The following POLN variants were observed in gnomAD, a reference collection of about 807,000 sequenced individuals.
POLN encodes the protein DNA polymerase N.
Under a neutral mutation model 113.5 loss-of-function variants are expected in POLN, and 108 were observed. The observed-to-expected ratio is 0.95, with a 90% confidence interval of 0.81 to 1.12. The LOEUF (loss-of-function observed/expected upper bound fraction) is 1.12, where lower values mean the gene tolerates loss of function less well. Among genes scored for constraint, POLN ranks in the 50% most tolerant of loss-of-function variants. The pLI, the probability that POLN is intolerant of heterozygous loss-of-function variation, is 0.00. For synonymous variants in POLN, 386 were observed against 391.5 expected (o/e 0.99, Z 0.17); for missense variants, 1,097 against 1,077.1 (o/e 1.02, Z -0.26).
At chr4:2,172,816 C>G (rs963276456) in intron 11 of POLN, among the ~76,000 whole-genome samples, 1 of 152,166 alleles carries the variant, frequency 6.6e-6, no homozygotes, top group Admixed American at 6.5e-5. Flanking sequence ...CACCTCACAG[C>G]CCACAGAAAC....
At chr4:2,233,561 T>C (rs1734656766) in intron 2 of POLN, among the ~76,000 whole-genome samples, 1 of 152,122 alleles carries the variant, frequency 6.6e-6, no homozygotes, top group African/African-American at 2.4e-5. Context: ...ATACACAGTG[T>C]GGAAAATTAC....
At position 2,181,103 on chromosome 4, in the gene POLN, T is replaced by TA. The variant is rs34645662; in HGVS notation, c.1022-1639dup. On this transcript the variant is annotated intron_variant, in intron 7 of 25. Coordinates refer to ENST00000511885, the MANE Select transcript of POLN (RefSeq NM_181808.4). ...AAACATAATAGCTAACTACTTAAAG[T>TA]AAAAAAAAAAAGAATTAAGGAAAGG... Among the ~76,000 whole-genome samples the TA allele has an allele frequency of 3.5e-4, 52 of 147,108 alleles. No homozygotes were observed. In the East Asian group the frequency reaches 4.5e-3, roughly 13 times the overall value.
At chr4:2,231,958 G>C in intron 2 of POLN, 1 of 1,427,154 alleles carries the variant, frequency 7.0e-7, no homozygotes, top group Non-Finnish European at 9.7e-7. Flanking sequence ...CTTAATCTTT[G>C]ATTGAGTTTC....
chr4:2,112,122 A>G (rs1363071176), intron 19 of POLN, among the ~76,000 whole-genome samples: 1 of 152,238 alleles, frequency 6.6e-6, no homozygotes, highest in African/African-American at 2.4e-5. Flanking sequence ...CCTGACAAAA[A>G]CAAGCAATGG....
chr4:2,102,866 C>A lies in POLN; in HGVS notation c.1983-6933G>T, dbSNP rs1408403003. Among the ~76,000 whole-genome samples the A allele has an allele frequency of 2.0e-5, 3 of 152,324 alleles. No individual in the cohort carries two copies. The East Asian group carries it at 5.8e-4, about 29-fold the overall frequency. ...CTTCACTACTACACGCACTCAGAAA[C>A]AAAGCCAAAGGGTCCTACCCAACCA... is the stretch of plus-strand genomic sequence containing the variant. On this transcript the variant is annotated intron_variant, in intron 19 of 25. Transcript: ENST00000511885.
At chr4:2,155,389 T>G (rs896706424) in intron 16 of POLN, among the ~76,000 whole-genome samples, 3 of 152,220 alleles carry the variant, frequency 2.0e-5, no homozygotes, top group African/African-American at 4.8e-5. Context: ...GAGAGCTGAC[T>G]GACCAAGAGT....
At chr4:2,239,904 T>C (rs1734908652) in intron 2 of POLN, 1 of 688,978 alleles carries the variant, frequency 1.5e-6, no homozygotes. Flanking sequence ...AGATCACAAA[T>C]AAGCACTGAA....
At chr4:2,084,820 G>A (rs1161410934) in intron 21 of POLN, among the ~76,000 whole-genome samples, 1 of 152,232 alleles carries the variant, frequency 6.6e-6, no homozygotes, top group Non-Finnish European at 1.5e-5. Context: ...TGAGTGCTGT[G>A]AGTGCAATTC....
chr4:2,157,895 G>T lies in POLN; in HGVS notation c.1628C>A (p.Ser543Ter). 1 of 1,607,356 alleles carries T rather than the reference G, an allele frequency of 6.2e-7. No homozygotes were observed. Among genetic ancestry groups the T allele is most frequent in the South Asian group, 1.1e-5 (1 of 90,444 alleles). ...AGCTAGTAATCCATCTACAAAGGTT[G>T]ACTTGATCTTGTGAACCTAAGGTGG... ...LEYRQVHKIKSTFVDGLLACM... is the reference protein window; with the variant it reads ...LEYRQVHKIK The change falls in exon 15 of 26, where the codon TCA (serine) becomes TAA (stop). Residue 543 changes from serine (S) to a stop codon, truncating the protein, a stop_gained. Transcript: ENST00000511885. LOFTEE classifies it high-confidence loss of function.
chr4:2,174,505 T>C (rs1732946653), intron 10 of POLN, among the ~76,000 whole-genome samples, 186 bp downstream of exon 10: 1 of 152,152 alleles, frequency 6.6e-6, no homozygotes, highest in South Asian at 2.1e-4. Flanking sequence ...CTCGAGTCTT[T>C]CCACACCAAG....
At chr4:2,137,850 C>T (rs1055226873) in intron 16 of POLN, among the ~76,000 whole-genome samples, 1 of 151,770 alleles carries the variant, frequency 6.6e-6, no homozygotes, top group African/African-American at 2.4e-5. Context: ...GGGGGCGGGT[C>T]GGTGGGGGAA....
intron 16 of POLN, among the ~76,000 whole-genome samples, chr4:2,134,975 G>C (rs563399760): frequency 1.3e-5 from 2 of 152,126 alleles, no homozygotes; most frequent in African/African-American, 4.8e-5. Flanking sequence ...CCTTGTGCAC[G>C]CATCCCCCCA....
chr4:2,124,191 G>A (rs893505058), intron 19 of POLN, among the ~76,000 whole-genome samples: 3 of 152,162 alleles, frequency 2.0e-5, no homozygotes, highest in African/African-American at 4.8e-5. Context: ...GCCGGGAGGC[G>A]GGGTGAATTG....
At position 2,198,558 on chromosome 4, in the gene POLN, C is replaced by G. The variant is rs763061315; in HGVS notation, c.874G>C (p.Asp292His). 2 of 1,612,278 alleles carry G rather than the reference C, an allele frequency of 1.2e-6. No individual in the cohort carries two copies. Among genetic ancestry groups the G allele is most frequent in the South Asian group, 2.2e-5 (2 of 90,698 alleles). Residue 292 changes from aspartate (D) to histidine (H), a missense_variant, in exon 6 of 26, where the codon GAC becomes CAC. Asp to His is a moderately conservative substitution (Grantham distance 81). Coordinates refer to ENST00000511885, the MANE Select transcript of POLN (RefSeq NM_181808.4). The stretch of plus-strand genomic sequence containing the variant: ...TGTTGATGTGCCTCCTGTTCTTGGT[C>G]CCAGATAGCAGAGTGCTCTATTTGA... ...YIQIEHSAIW[D>H]QEQEAHQQFA...
chr4:2,131,370 AT>A, intron 16 of POLN, 80 bp from the exon 17 acceptor site: 2 of 936,286 alleles, frequency 2.1e-6, no homozygotes, highest in Non-Finnish European at 1.6e-6. Context: ...TGTACATCAC[AT>A]TTTATTAAAC....
intron 23 of POLN, chr4:2,078,474 T>TC: frequency 5.4e-6 from 1 of 184,904 alleles, no homozygotes; most frequent in Non-Finnish European, 9.6e-6. Context: ...CTTCTTCTTC[T>TC]TTTTTTTTTT....
At position 2,232,108 on chromosome 4, in the gene POLN, T is replaced by C. The variant is rs1734603190; in HGVS notation, c.-12-2865A>G. The stretch of plus-strand genomic sequence containing the variant: ...ATCAGCAAGAATATCAGTGAGGAGA[T>C]GATTTAGCTTATTCAGTTGAGATTC... On this transcript the variant is annotated intron_variant, in intron 2 of 25. Coordinates refer to ENST00000511885, the MANE Select transcript of POLN (RefSeq NM_181808.4). 5 of 1,599,298 alleles carry C rather than the reference T, an allele frequency of 3.1e-6. No individual in the cohort carries two copies. In the African/African-American group the frequency reaches 5.4e-5, roughly 17 times the overall value.
rs1222026912 is a variant in POLN at position 2,126,122 on chromosome 4, C to T, written c.1982+1991G>A. ...CCTTGGCTCCTGGTGCCCTGGACCC[C>T]ACCATGTGCTGTGCTCGTCACATCG... On this transcript the variant is annotated intron_variant, in intron 19 of 25. Transcript: ENST00000511885. The surrounding 1 kb of genome is among the most constrained non-coding windows in gnomAD (Gnocchi z 4.6). 6.6e-6 allele frequency among the ~76,000 whole-genome samples: 1 copy of T among 152,192 alleles called. No homozygotes were observed. The highest frequency in any genetic ancestry group is 1.5e-5 in the Non-Finnish European group (1 of 68,044).
chr4:2,130,980 C>T (rs1383513530), intron 17 of POLN, among the ~76,000 whole-genome samples: 1 of 152,154 alleles, frequency 6.6e-6, no homozygotes, highest in East Asian at 1.9e-4. Flanking sequence ...AGTTTGAGAC[C>T]AGCCTTGACA....
Sources: allele counts gnomAD v4.1 joint callset (sites outside exome capture counted in the v4.1 genomes callset), GRCh38; gene constraint gnomAD v4.1.1; non-coding constraint Gnocchi (gnomAD v3.1); transcripts MANE v1.5; gene names NCBI Gene and HGNC (gene_info 2026-07-23, HGNC 2026-07-21).